Variants in NRG1 observed in about 807,000 individuals in gnomAD.
The protein encoded by NRG1 is pro-neuregulin-1, membrane-bound isoform.
NRG1 carries 18 observed loss-of-function variants against 63.8 expected under a neutral mutation model. The ratio of observed to expected loss-of-function variants is 0.28; its 90% CI spans 0.19 to 0.42. The LOEUF (loss-of-function observed/expected upper bound fraction) is 0.42. NRG1 is among the 10% of genes least tolerant of loss of function. The probability of loss-of-function intolerance (pLI) is 1.00; values close to 1 mark genes in which losing one functional copy is unlikely to be tolerated. For synonymous variants in NRG1, 302 were observed against 301.3 expected (o/e 1.00, Z -0.02); for missense variants, 762 against 814.7 (o/e 0.94, Z 0.79).
At position 31,831,847 on chromosome 8, in the gene NRG1, C is replaced by G. The variant is rs182701128; in HGVS notation, c.37+192416C>G. On this transcript the variant is annotated intron_variant, in intron 1 of 10. Transcript: ENST00000519301. ...CATTAGTGAGGGACTCACTCAGAGACCACCTAGACTCCAATCAGTATCCAG... is the reference window on the plus strand; with the variant it reads ...CATTAGTGAGGGACTCACTCAGAGAGCACCTAGACTCCAATCAGTATCCAG... Among the ~76,000 whole-genome samples, 4 of 152,270 alleles carry G rather than the reference C, an allele frequency of 2.6e-5. No individual in the cohort carries two copies. In the East Asian group the frequency reaches 5.8e-4, roughly 22 times the overall value.
At chr8:32,119,753 G>A (rs549451686) in intron 1 of NRG1, among the ~76,000 whole-genome samples, 4 of 152,074 alleles carry the variant, frequency 2.6e-5, no homozygotes, top group Non-Finnish European at 5.9e-5. Context: ...GACAAGGCTT[G>A]CTCACCCTGA....
intron 1 of NRG1, among the ~76,000 whole-genome samples, chr8:32,053,383 T>A: frequency 6.6e-6 from 1 of 152,116 alleles, no homozygotes; most frequent in East Asian, 1.9e-4. Flanking sequence ...AGCCATGGAT[T>A]GAGGATAAAA....
At chr8:32,019,902 T>C (rs1423316370) in intron 1 of NRG1, among the ~76,000 whole-genome samples, 2 of 152,224 alleles carry the variant, frequency 1.3e-5, no homozygotes, top group Non-Finnish European at 2.9e-5. Context: ...GTCTATTCTG[T>C]TATCTTTACT....
chr8:31,640,082 TGCC>T lies in NRG1; in HGVS notation c.37+652_37+654del. The T allele has an allele frequency of 8.8e-7, 1 of 1,136,288 alleles. No individual in the cohort carries two copies. Among genetic ancestry groups the T allele is most frequent in the South Asian group, 4.2e-5 (1 of 23,548 alleles). The allele number at this position is 1,136,288 out of a possible 1,614,324, so 70.4% of individuals were successfully genotyped here. A position where few individuals can be genotyped will look rare whatever the true frequency, so the allele number is the denominator to read the frequency against. On this transcript the variant is annotated intron_variant, in intron 1 of 10. Coordinates refer to the NRG1 transcript ENST00000519301. This position sits in a 1 kb window ranked among gnomAD's most constrained non-coding sequence, Gnocchi z 6.3. ...CGCTCGTCGCCGCCGCTGCCGCTGC[TGCC>T]ACTACTGCTGCTGCTGGGGACCGCG...
At chr8:32,382,855 C>T (rs1346146603) in intron 1 of NRG1, among the ~76,000 whole-genome samples, 2 of 152,066 alleles carry the variant, frequency 1.3e-5, no homozygotes, top group Non-Finnish European at 2.9e-5. Context: ...AAATAACCCA[C>T]TTCCCTCATG....
intron 1 of NRG1, among the ~76,000 whole-genome samples, chr8:31,989,707 G>C (rs1473569906): frequency 6.6e-6 from 1 of 152,078 alleles, no homozygotes; most frequent in African/African-American, 2.4e-5. Context: ...AAACCTTCAT[G>C]CCCTACTATT....
intron 1 of NRG1, among the ~76,000 whole-genome samples, chr8:32,524,656 C>T (rs1211937895): frequency 1.3e-5 from 2 of 152,144 alleles, no homozygotes; most frequent in African/African-American, 4.8e-5. Context: ...TTCTGGTTAA[C>T]TTGATGCCTC....
intron 5 of NRG1, among the ~76,000 whole-genome samples, chr8:32,693,554 A>G (rs1812449406): frequency 6.6e-6 from 1 of 151,064 alleles, no homozygotes; most frequent in Non-Finnish European, 1.5e-5. Flanking sequence ...TCATTTCCAA[A>G]AAAAAAAAAA....
At chr8:31,959,900 C>T (rs1458075399) in intron 1 of NRG1, among the ~76,000 whole-genome samples, 1 of 151,606 alleles carries the variant, frequency 6.6e-6, no homozygotes, top group East Asian at 1.9e-4. Flanking sequence ...CCCAAGTGAT[C>T]CCTCCGCCTC....
chr8:31,741,066 A>G (rs1322859522), intron 1 of NRG1, among the ~76,000 whole-genome samples: 1 of 152,068 alleles, frequency 6.6e-6, no homozygotes, highest in Non-Finnish European at 1.5e-5. Flanking sequence ...TGCCCTTTGC[A>G]GCAACATGGA....
intron 1 of NRG1, among the ~76,000 whole-genome samples, chr8:32,050,397 ACT>A (rs2130802062): frequency 6.6e-6 from 1 of 152,160 alleles, no homozygotes; most frequent in Admixed American, 6.6e-5. Context: ...CACTTCTGAA[ACT>A]CTGGGGATTT....
At chr8:31,731,966 A>G (rs867524443) in intron 1 of NRG1, among the ~76,000 whole-genome samples, 4 of 152,228 alleles carry the variant, frequency 2.6e-5, no homozygotes, top group Non-Finnish European at 5.9e-5. Context: ...GATGTAATCA[A>G]CCAGCGAATG....
intron 1 of NRG1, among the ~76,000 whole-genome samples, chr8:32,018,971 T>C (rs1258861567): frequency 1.3e-5 from 2 of 152,272 alleles, no homozygotes; most frequent in Non-Finnish European, 2.9e-5. Flanking sequence ...TTGCATATTC[T>C]TGATGACTAA....
chr8:32,056,033 C>G (rs886698061), intron 1 of NRG1, among the ~76,000 whole-genome samples: 3 of 152,072 alleles, frequency 2.0e-5, no homozygotes, highest in Non-Finnish European at 4.4e-5. Flanking sequence ...GCACTCAAGT[C>G]AACAACAATT....
chr8:31,923,602 G>A (rs560853702), intron 1 of NRG1, among the ~76,000 whole-genome samples: 8 of 152,184 alleles, frequency 5.3e-5, no homozygotes, highest in Admixed American at 3.3e-4. Context: ...TTCTGGAAAC[G>A]TTTAAAATTA....
In NRG1 at chr8:31,640,331, A is replaced by G. The variant is rs1034900373; in HGVS notation, c.37+900A>G. 474 of 1,178,274 alleles carry G rather than the reference A, an allele frequency of 4.0e-4. No homozygotes were observed. Among genetic ancestry groups the G allele is most frequent in the Admixed American group, 7.4e-4 (16 of 21,622 alleles). 73.0% of individuals were successfully genotyped at this position (1,178,274 alleles called of 1,614,324 possible). On this transcript the variant is annotated intron_variant, in intron 1 of 10. Transcript: ENST00000519301. This position sits in a 1 kb window ranked among gnomAD's most constrained non-coding sequence, Gnocchi z 6.3. ...GCAGGGGCGTGGGGCGGCGATCGCG[A>G]GCCGCCAGCCGCGGGCCCACGGGCG...
At chr8:32,543,395 A>G (rs1832763966), upstream of NRG1, among the ~76,000 whole-genome samples, 1 of 152,158 alleles carries the variant, frequency 6.6e-6, no homozygotes, top group Non-Finnish European at 1.5e-5. Context: ...GGGACTGAGG[A>G]GGATAAATAA....
intron 1 of NRG1, among the ~76,000 whole-genome samples, chr8:31,771,457 G>T (rs1818619489): frequency 6.6e-6 from 1 of 152,036 alleles, no homozygotes; most frequent in Admixed American, 6.6e-5. Flanking sequence ...CTAAATATAT[G>T]AATCTGAAAG....
At chr8:32,400,424 TCTATAAGGCA>T (rs1813025748) in intron 1 of NRG1, among the ~76,000 whole-genome samples, 1 of 152,104 alleles carries the variant, frequency 6.6e-6, no homozygotes, top group Non-Finnish European at 1.5e-5. Context: ...ATATCCAGAA[TCTATAAGGCA>T]CTTAAACAGA....
Sources: gnomAD v4.1 joint callset for allele counts (sites outside exome capture counted in the v4.1 genomes callset) on GRCh38, gnomAD v4.1.1 for gene constraint, Gnocchi (gnomAD v3.1) non-coding constraint, MANE v1.5 for transcripts, NCBI Gene and HGNC (gene_info 2026-07-23, HGNC 2026-07-21) for gene names.